TPM3: variants seen among roughly 807,000 people sequenced by gnomAD.
The protein encoded by TPM3 is tropomyosin 3, also known as tropomyosin alpha-3 chain.
TPM3 carries 16 observed loss-of-function variants against 43.1 expected under a neutral mutation model. The observed-to-expected ratio is 0.37, with a 90% CI of 0.25 to 0.56. The LOEUF (loss-of-function observed/expected upper bound fraction) is 0.56. Among genes scored for constraint, TPM3 ranks in the 20% least tolerant of loss-of-function variants. The pLI is 0.77. For synonymous variants in TPM3, 101 were observed against 116.9 expected, an observed-to-expected ratio of 0.86 and a Z score of 0.88; for missense variants, 176 against 337.2, an observed-to-expected ratio of 0.52 and a Z score of 3.74.
chr1:154,173,656 C>T (rs1661870064), intron 3 of TPM3, among the ~76,000 whole-genome samples: 1 of 146,314 alleles, frequency 6.8e-6, no homozygotes, highest in South Asian at 2.2e-4. Context: ...AAGAGCGAAA[C>T]TCCGTCTCAA....
chr1:154,183,884 A>G (rs549113277), intron 2 of TPM3: 5 of 140,872 alleles, frequency 3.5e-5, no homozygotes, highest in African/African-American at 1.3e-4. Context: ...TTTTTAAGAG[A>G]CAAGATCTCG....
chr1:154,169,849 A>C (rs1661381588), intron 8 of TPM3: 1 of 254,152 alleles, frequency 3.9e-6, no homozygotes, highest in Non-Finnish European at 7.7e-6. Flanking sequence ...GTACCAAAGG[A>C]GCATACATCA....
intron 2 of TPM3, among the ~76,000 whole-genome samples, chr1:154,188,674 C>CA (rs572467862): frequency 0.043 from 2,544 of 58,576 alleles, 86 homozygotes; most frequent in Middle Eastern, 0.094. Flanking sequence ...GACTCCGTCT[C>CA]AAAAAAAAAA....
intron 5 of TPM3, 169 bp downstream of exon 5, chr1:154,172,739 A>G (rs1293694249): frequency 2.5e-5 from 20 of 811,980 alleles, no homozygotes; most frequent in Non-Finnish European, 4.2e-5. Context: ...TCAGGAGAAT[A>G]AGGAAGCCTA....
downstream of TPM3, among the ~76,000 whole-genome samples, chr1:154,159,432 T>C (rs1238765321): frequency 1.3e-5 from 2 of 152,206 alleles, no homozygotes; most frequent in Non-Finnish European, 2.9e-5. Context: ...TTGAAAGGAA[T>C]GGAAGTGAAC....
intron 3 of TPM3, among the ~76,000 whole-genome samples, chr1:154,174,349 AT>A: frequency 8.5e-6 from 1 of 118,080 alleles, no homozygotes; most frequent in African/African-American, 3.0e-5. Context: ...AAATAAATAA[AT>A]ATTATTTAAA....
intron 2 of TPM3, among the ~76,000 whole-genome samples, 161 bp from the exon 3 acceptor site, chr1:154,176,409 TTA>T (rs149945046): frequency 1.3e-5 from 2 of 151,732 alleles, no homozygotes; most frequent in African/African-American, 2.4e-5. Flanking sequence ...AGACATAACT[TTA>T]TATATATATA....
downstream of TPM3, chr1:154,155,451 T>C (rs779976580): frequency 2.0e-5 from 5 of 252,688 alleles, no homozygotes; most frequent in East Asian, 5.8e-5. Flanking sequence ...AACGGAAAAT[T>C]GTGCAGTCTC....
At chr1:154,184,136 T>C (rs1663278731) in intron 2 of TPM3, among the ~76,000 whole-genome samples, 1 of 152,008 alleles carries the variant, frequency 6.6e-6, no homozygotes. Flanking sequence ...AAGCTCCGCC[T>C]CCCGGGTTCA....
chr1:154,160,921 C>T (rs1335037818), downstream of TPM3, among the ~76,000 whole-genome samples: 1 of 151,780 alleles, frequency 6.6e-6, no homozygotes, highest in Non-Finnish European at 1.5e-5. Flanking sequence ...GTATTAGAGA[C>T]AAGGTCTTAC....
At chr1:154,174,414 A>AC (rs1479898648) in intron 3 of TPM3, among the ~76,000 whole-genome samples, 35 of 135,612 alleles carry the variant, frequency 2.6e-4, no homozygotes, top group African/African-American at 4.6e-4. Context: ...ATATACACAC[A>AC]AAAATCCCAT....
At position 154,167,460 on chromosome 1, in the gene TPM3, C is replaced by T; in HGVS notation, c.*477G>A. ...GAAGAGAGAATGGAAACACTGCAGG[C>T]AGGATGATTTAAGAACCTGGAAATA... On this transcript the variant is annotated 3_prime_UTR_variant, in exon 10 of 10. Coordinates refer to ENST00000651641, the MANE Select transcript of TPM3 (RefSeq NM_152263.4). 9.3e-7 allele frequency: 1 copy of T among 1,077,402 alleles called. No homozygotes were observed. The highest frequency in any genetic ancestry group is 1.1e-6 in the Non-Finnish European group (1 of 885,580). The allele number at this position is 1,077,402 out of a possible 1,614,324, so 66.7% of individuals were successfully genotyped here. A position where few individuals can be genotyped will look rare whatever the true frequency, so the allele number is the denominator to read the frequency against.
At position 154,166,169 on chromosome 1, in the gene TPM3, T is replaced by C. The variant is rs1660936068; in HGVS notation, c.*1768A>G. The stretch of plus-strand genomic sequence containing the variant: ...GACAAAAGGAAACGTGAATTTGATA[T>C]GACTTAAAGTTTTAGATTAAGGAAA... On this transcript the variant is annotated 3_prime_UTR_variant, in exon 10 of 10. Transcript: ENST00000651641. The C allele has an allele frequency of 4.4e-6, 1 of 227,496 alleles. No individual in the cohort carries two copies. The highest frequency in any genetic ancestry group is 6.3e-5 in the East Asian group (1 of 15,758). 14.1% of individuals were successfully genotyped at this position (227,496 alleles called of 1,614,324 possible).
chr1:154,170,730 A>T lies in TPM3; in HGVS notation c.643-19T>A, dbSNP rs745387875. 5 of 1,569,708 alleles carry T rather than the reference A, an allele frequency of 3.2e-6. No homozygotes were observed. The highest frequency in any genetic ancestry group is 4.4e-6 in the Non-Finnish European group (5 of 1,142,866). ...GAGAGTACTGTAAGATAAGTAGATT[A>T]AAAATTTCAGAGTAGAAATTAGTCA... On this transcript the variant is annotated intron_variant, in intron 6 of 9. Transcript: ENST00000651641.
At chr1:154,159,527 A>G (rs1660136244), downstream of TPM3, among the ~76,000 whole-genome samples, 2 of 152,232 alleles carry the variant, frequency 1.3e-5, no homozygotes, top group Admixed American at 1.3e-4. Context: ...ATTCACTCCT[A>G]TACTTTCTAA....
chr1:154,180,432 G>C (rs1662816946), intron 2 of TPM3, among the ~76,000 whole-genome samples: 1 of 152,216 alleles, frequency 6.6e-6, no homozygotes, highest in African/African-American at 2.4e-5. Context: ...CTCCTCAGTA[G>C]GGGTTCAAAG....
chr1:154,170,159 AG>A, intron 8 of TPM3: 1 of 522,672 alleles, frequency 1.9e-6, no homozygotes, highest in South Asian at 2.1e-5. Context: ...TCTCCTCAAA[AG>A]GGAAGGGTAC....
intron 2 of TPM3, among the ~76,000 whole-genome samples, chr1:154,179,691 C>T (rs1237739784): frequency 6.6e-6 from 1 of 152,150 alleles, no homozygotes; most frequent in Non-Finnish European, 1.5e-5. Flanking sequence ...TGAAGCAATT[C>T]TTGTGCCTCA....
intron 2 of TPM3, chr1:154,182,902 C>T (rs746995702): frequency 4.4e-6 from 7 of 1,597,840 alleles, no homozygotes; most frequent in South Asian, 1.1e-5. Context: ...TTCAGAGGAC[C>T]GTGCTCCACG....
Sources: gnomAD v4.1 joint callset for allele counts (sites outside exome capture counted in the v4.1 genomes callset) on GRCh38, gnomAD v4.1.1 for gene constraint, MANE v1.5 for transcripts, NCBI Gene and HGNC (gene_info 2026-07-23, HGNC 2026-07-21) for gene names.